The following LRRC20 variants were observed in gnomAD, a reference collection of about 807,000 sequenced individuals.
The protein encoded by LRRC20 is leucine-rich repeat-containing protein 20.
In LRRC20, 11 loss-of-function variants were observed where a neutral mutation model predicts 14.4. The observed-to-expected ratio is 0.77, with a 90% CI of 0.48 to 1.27. The LOEUF is 1.27. Among genes scored for constraint, LRRC20 ranks in the 50% most tolerant of loss-of-function variants. LRRC20 has a pLI of 0.00. For synonymous variants in LRRC20, 121 were observed against 107.3 expected, an observed-to-expected ratio of 1.13 and a Z score of -0.79; for missense variants, 219 against 251.2, an observed-to-expected ratio of 0.87 and a Z score of 0.87.
At chr10:70,325,087 C>T (rs1248027554) in intron 3 of LRRC20, among the ~76,000 whole-genome samples, 2 of 152,052 alleles carry the variant, frequency 1.3e-5, no homozygotes, top group African/African-American at 4.8e-5. Context: ...CCTGTCTGAC[C>T]CGAGGGAAAC....
chr10:70,301,633 T>G, intron 4 of LRRC20, 125 bp from the exon 5 acceptor site: 1 of 1,167,310 alleles, frequency 8.6e-7, no homozygotes, highest in Admixed American at 2.2e-5. Context: ...CCACTGCACG[T>G]GGGCTCAGCT....
intron 2 of LRRC20, among the ~76,000 whole-genome samples, chr10:70,343,528 T>C (rs758622410): frequency 4.6e-5 from 7 of 152,138 alleles, no homozygotes; most frequent in African/African-American, 1.7e-4. Flanking sequence ...GCAGGTGGGG[T>C]TGGCAGGAGA....
intron 4 of LRRC20, among the ~76,000 whole-genome samples, chr10:70,313,086 C>A (rs1260772026): frequency 6.6e-6 from 1 of 152,234 alleles, no homozygotes; most frequent in Non-Finnish European, 1.5e-5. Context: ...ATCTGACATG[C>A]AATCAAAGCC....
chr10:70,336,357 A>T (rs1842726051), intron 3 of LRRC20, among the ~76,000 whole-genome samples: 2 of 152,208 alleles, frequency 1.3e-5, no homozygotes. Context: ...CAGCCTGCCC[A>T]GGAAACCAAC....
chr10:70,304,162 G>C (rs1374102974), intron 4 of LRRC20, among the ~76,000 whole-genome samples: 1 of 152,036 alleles, frequency 6.6e-6, no homozygotes, highest in Non-Finnish European at 1.5e-5. Flanking sequence ...CCCTGTGCAA[G>C]CTGAGGCTCT....
rs1363935229 is a variant in LRRC20 at position 70,314,072 on chromosome 10, C to T, written c.400+9791G>A. On this transcript the variant is annotated intron_variant, in intron 4 of 4. Coordinates refer to ENST00000446961, the MANE Select transcript of LRRC20 (RefSeq NM_001278212.2). The stretch of plus-strand genomic sequence containing the variant: ...AACCCTTTATAAAACCATCAGATCT[C>T]GTGAGACTTATTCATTACCACGAGA... Among the ~76,000 whole-genome samples, 6 of 152,114 alleles carry T rather than the reference C, an allele frequency of 3.9e-5. No homozygotes were observed. The South Asian group carries it at 6.2e-4, about 16-fold the overall frequency.
At chr10:70,348,477 A>G (rs1052276786) in intron 2 of LRRC20, among the ~76,000 whole-genome samples, 2 of 152,318 alleles carry the variant, frequency 1.3e-5, no homozygotes, top group African/African-American at 2.4e-5. Flanking sequence ...ACCACTTACT[A>G]TTTCACATGT....
At chr10:70,359,244 A>G (rs1467969223) in intron 2 of LRRC20, among the ~76,000 whole-genome samples, 2 of 152,032 alleles carry the variant, frequency 1.3e-5, no homozygotes, top group East Asian at 3.9e-4. Context: ...TTTCCATTAC[A>G]TCACTCTCCC....
At chr10:70,304,470 T>TTATCTATATATATATATATATA (rs1293891046) in intron 4 of LRRC20, among the ~76,000 whole-genome samples, 21 of 113,824 alleles carry the variant, frequency 1.8e-4, no homozygotes, top group African/African-American at 5.7e-4. Flanking sequence ...GGCCACTTCT[T>TTATCTATATATATATATATATA]TATATATATA....
chr10:70,342,391 T>C (rs1842949377), intron 2 of LRRC20, among the ~76,000 whole-genome samples: 1 of 152,086 alleles, frequency 6.6e-6, no homozygotes. Context: ...TTGTACACTT[T>C]AAGTGGATGA....
At chr10:70,361,172 C>T (rs1252893905) in intron 2 of LRRC20, among the ~76,000 whole-genome samples, 1 of 152,192 alleles carries the variant, frequency 6.6e-6, no homozygotes, top group Non-Finnish European at 1.5e-5. Context: ...CCACACAAAC[C>T]ACTGCAGCTC....
intron 4 of LRRC20, among the ~76,000 whole-genome samples, chr10:70,311,221 C>CTTTTTTTTTTTTTT (rs1491407192): frequency 8.3e-6 from 1 of 120,598 alleles, no homozygotes; most frequent in Non-Finnish European, 1.7e-5. Context: ...TTCAACATTC[C>CTTTTTTTTTTTTTT]ATTTTTTTTT....
chr10:70,365,897 C>A (rs1473034819), intron 2 of LRRC20, among the ~76,000 whole-genome samples: 1 of 151,746 alleles, frequency 6.6e-6, no homozygotes, highest in Admixed American at 6.6e-5. Flanking sequence ...GGTGAAACCC[C>A]TCTCTACTAA....
chr10:70,366,468 C>G, intron 2 of LRRC20, among the ~76,000 whole-genome samples: 1 of 151,814 alleles, frequency 6.6e-6, no homozygotes, highest in Non-Finnish European at 1.5e-5. Flanking sequence ...TGTTCAATAT[C>G]ACTCATCATC....
intron 4 of LRRC20, among the ~76,000 whole-genome samples, chr10:70,315,659 GC>G (rs996691945): frequency 2.0e-5 from 3 of 151,986 alleles, no homozygotes; most frequent in African/African-American, 4.8e-5. Flanking sequence ...GTTTGGAGAC[GC>G]CCCCCCACAG....
At chr10:70,328,461 T>A (rs1842408669) in intron 3 of LRRC20, among the ~76,000 whole-genome samples, 1 of 152,052 alleles carries the variant, frequency 6.6e-6, no homozygotes, top group Non-Finnish European at 1.5e-5. Context: ...CACACCCAGC[T>A]AATTTCTGGA....
At chr10:70,333,875 T>C (rs10762365) in intron 3 of LRRC20, among the ~76,000 whole-genome samples, 43,553 of 152,128 alleles carry the variant, frequency 0.29, 6,435 homozygotes, top group East Asian at 0.49. Flanking sequence ...TCTGGCCGGG[T>C]GCTGTGGCTC....
At chr10:70,320,820 G>C (rs967968123) in intron 4 of LRRC20, among the ~76,000 whole-genome samples, 2 of 152,216 alleles carry the variant, frequency 1.3e-5, no homozygotes, top group African/African-American at 4.8e-5. Flanking sequence ...GCAGACAGAA[G>C]TATCCTTGTC....
intron 2 of LRRC20, among the ~76,000 whole-genome samples, chr10:70,350,178 A>G (rs1314244559): frequency 6.6e-6 from 1 of 152,204 alleles, no homozygotes; most frequent in Admixed American, 6.5e-5. Flanking sequence ...CATGGTAGGT[A>G]AGGGGCAATG....
Sources: allele counts gnomAD v4.1 joint callset (sites outside exome capture counted in the v4.1 genomes callset), GRCh38; gene constraint gnomAD v4.1.1; transcripts MANE v1.5; gene names NCBI Gene and HGNC (gene_info 2026-07-23, HGNC 2026-07-21).